The following HMCN2 variants were observed in gnomAD, a reference collection of about 807,000 sequenced individuals.
HMCN2 encodes the protein hemicentin 2.
In HMCN2, 325 loss-of-function variants were observed where a neutral mutation model predicts 377.5. The ratio of observed to expected loss-of-function variants is 0.86; its 90% CI spans 0.79 to 0.94. The LOEUF is 0.94. HMCN2 is among the 40% of genes least tolerant of loss of function. HMCN2 has a pLI of 0.00. For missense variants in HMCN2, 4,543 were observed against 4,725.3 expected, an observed-to-expected ratio of 0.96 and a Z score of 1.13; for synonymous variants, 2,007 against 2,046.8, an observed-to-expected ratio of 0.98 and a Z score of 0.53.
At chr9:130,420,129 CA>C (rs1207277077) in intron 86 of HMCN2, among the ~76,000 whole-genome samples, 2 of 131,048 alleles carry the variant, frequency 1.5e-5, no homozygotes, top group Non-Finnish European at 3.1e-5. Flanking sequence ...GGCTGGAGTG[CA>C]GTGGTGCAAT....
chr9:130,403,544 G>A (rs555433536), intron 79 of HMCN2, among the ~76,000 whole-genome samples, 197 bp from the exon 80 acceptor site: 1 of 152,306 alleles, frequency 6.6e-6, no homozygotes, highest in East Asian at 1.9e-4. Context: ...CCGAGCACTC[G>A]GTGGCTGAGG....
At chr9:130,323,409 G>A (rs910202194) in intron 19 of HMCN2, among the ~76,000 whole-genome samples, 8 of 152,194 alleles carry the variant, frequency 5.3e-5, no homozygotes, top group Admixed American at 3.3e-4. Context: ...TGCCCAGGGT[G>A]GGTGTGACAC....
At chr9:130,429,840 T>C in intron 94 of HMCN2, 155 bp downstream of exon 94, 2 of 1,364,998 alleles carry the variant, frequency 1.5e-6, no homozygotes, top group Non-Finnish European at 1.9e-6. Context: ...GCCAGTGCTG[T>C]TGAGTTCTGA....
intron 1 of HMCN2, among the ~76,000 whole-genome samples, chr9:130,271,707 C>T (rs1342985928): frequency 1.3e-5 from 2 of 148,862 alleles, no homozygotes; most frequent in Non-Finnish European, 3.0e-5. Context: ...TCCAAGGAGC[C>T]CTGCTTCCTG....
rs192284311 is a variant in HMCN2 at position 130,379,548 on chromosome 9, A to G, written c.8431+81A>G. The stretch of plus-strand genomic sequence containing the variant: ...TGCTGTGTGACCTTAAGCAGAGCAC[A>G]CAACCACTCTGGACCTTAGCTGCAA... On this transcript the variant is annotated intron_variant, in intron 54 of 97. Transcript: ENST00000683500. The G allele has an allele frequency of 3.0e-5, 18 of 600,106 alleles. No homozygotes were observed. In the African/African-American group the frequency reaches 3.6e-4, roughly 12 times the overall value. The allele number at this position is 600,106 out of a possible 1,614,324, so 37.2% of individuals were successfully genotyped here.
intron 25 of HMCN2, among the ~76,000 whole-genome samples, chr9:130,342,751 A>G (rs917602530): frequency 2.0e-5 from 3 of 152,010 alleles, no homozygotes; most frequent in African/African-American, 4.8e-5. Flanking sequence ...TGGGGGTGTG[A>G]TCGCCAGGGC....
rs185515912 is a variant in HMCN2 at position 130,361,962 on chromosome 9, C to G, written c.5951-46C>G. 453 of 984,538 alleles carry G rather than the reference C, an allele frequency of 4.6e-4. 5 individuals carry two copies. The African/African-American group carries it at 7.1e-3, about 15-fold the overall frequency. 61.0% of individuals were successfully genotyped at this position (984,538 alleles called of 1,614,324 possible). A position where few individuals can be genotyped will look rare whatever the true frequency, so the allele number is the denominator to read the frequency against. Reference sequence around the variant, plus strand: ...CCAGCCAGGGGCCCTGCCTGCTTTGCCCCAGTGGGGCTCAGCCTGTACCCC... The same window carrying G: ...CCAGCCAGGGGCCCTGCCTGCTTTGGCCCAGTGGGGCTCAGCCTGTACCCC... On this transcript the variant is annotated intron_variant, in intron 38 of 97. Transcript: ENST00000683500. The surrounding 1 kb of genome is among the most constrained non-coding windows in gnomAD (Gnocchi z 4.8).
At chr9:130,353,261 G>A in intron 31 of HMCN2, 56 bp downstream of exon 31, 1 of 1,276,026 alleles carries the variant, frequency 7.8e-7, no homozygotes, top group Non-Finnish European at 1.0e-6. Flanking sequence ...ACTCAGCCAT[G>A]GTGGCCCCTG....
Position 130,395,259 on chromosome 9 carries a change from TG to T in HMCN2, c.10825del (p.Ala3609ProfsTer48). 2.3e-6 allele frequency: 3 copies of T among 1,289,496 alleles called. No individual in the cohort carries two copies. Among genetic ancestry groups the T allele is most frequent in the Non-Finnish European group, 3.0e-6 (3 of 988,732 alleles). 79.9% of individuals were successfully genotyped at this position (1,289,496 alleles called of 1,614,324 possible). On this transcript the variant is annotated frameshift_variant, in exon 71 of 98. Transcript: ENST00000683500. LOFTEE classifies it high-confidence loss of function. ...GPRGPRFVVG[L>X]APGQLVLECS... ...CGAGGCCCCCGCTTTGTGGTCGGCC[TG>T]GCCCCAGGGCAGCTGGTCCTGGAGT...
rs773509084 is a variant in HMCN2 at position 130,353,095 on chromosome 9, G to A, written c.4754G>A (p.Gly1585Asp). 1.5e-6 allele frequency: 2 copies of A among 1,304,254 alleles called. No individual in the cohort carries two copies. Among genetic ancestry groups the A allele is most frequent in the South Asian group, 2.5e-5 (2 of 81,020 alleles). 80.8% of individuals were successfully genotyped at this position (1,304,254 alleles called of 1,614,324 possible). A position where few individuals can be genotyped will look rare whatever the true frequency, so the allele number is the denominator to read the frequency against. ...ACCAAGGTGGTCTACACTAGGGGCG[G>A]TCGGCAGTTGCAGCTGGGGAGGGCC... ...TSTKVVYTRG[G>D]RQLQLGRAQS... Residue 1585 changes from glycine to aspartate, a missense_variant, in exon 31 of 98, where the codon GGT becomes GAT. Transcript: ENST00000683500.
At chr9:130,294,336 CA>C (rs1275704538) in intron 4 of HMCN2, among the ~76,000 whole-genome samples, 1 of 152,146 alleles carries the variant, frequency 6.6e-6, no homozygotes, top group Admixed American at 6.5e-5. Flanking sequence ...CTCAATATTG[CA>C]AAAATCCATC....
chr9:130,347,970 G>GGGAGAGCGCCCACCCCC lies in HMCN2; in HGVS notation c.4025-574_4025-558dup, dbSNP rs1313944734. 6 of 985,218 alleles carry GGGAGAGCGCCCACCCCC rather than the reference G, an allele frequency of 6.1e-6. No homozygotes were observed. In the Admixed American group the frequency reaches 3.1e-4, roughly 50 times the overall value. The allele number at this position is 985,218 out of a possible 1,614,324, so 61.0% of individuals were successfully genotyped here. A position where few individuals can be genotyped will look rare whatever the true frequency, so the allele number is the denominator to read the frequency against. On this transcript the variant is annotated intron_variant, in intron 26 of 97. Coordinates refer to ENST00000683500, the MANE Select transcript of HMCN2 (RefSeq NM_001291815.2). The surrounding 1 kb of genome is among the most constrained non-coding windows in gnomAD (Gnocchi z 5.1). ...TCTTCTCACATTCTTGTCCTCAGCAGGGAGAGCGCCCACCCCCACATCCAG... is the reference window on the plus strand; with the variant it reads ...TCTTCTCACATTCTTGTCCTCAGCAGGGAGAGCGCCCACCCCCGGAGAGCGCCCACCCCCACATCCAG...
intron 23 of HMCN2, among the ~76,000 whole-genome samples, chr9:130,340,670 C>T (rs955958438): frequency 6.6e-6 from 1 of 152,190 alleles, no homozygotes. Flanking sequence ...AGGTGCGCGC[C>T]ACCACGCCCA....
chr9:130,383,753 T>TG (rs1262847047), intron 57 of HMCN2, among the ~76,000 whole-genome samples, 153 bp downstream of exon 57: 1 of 152,170 alleles, frequency 6.6e-6, no homozygotes, highest in Non-Finnish European at 1.5e-5. Context: ...AGAGAGCATT[T>TG]GGGGGGCCCT....
chr9:130,428,261 C>T lies in HMCN2; in HGVS notation c.14066-97C>T, dbSNP rs910717275. 17 of 1,373,956 alleles carry T rather than the reference C, an allele frequency of 1.2e-5. No individual in the cohort carries two copies. The Admixed American group carries it at 1.3e-4, about 11-fold the overall frequency. 85.1% of individuals were successfully genotyped at this position (1,373,956 alleles called of 1,614,324 possible). ...TTCCTGCCAGTGGCTCCTGGGCCTG[C>T]GGACGAAGCCTCTGTGGATAGGCCG... On this transcript the variant is annotated intron_variant, in intron 92 of 97. Coordinates refer to ENST00000683500, the MANE Select transcript of HMCN2 (RefSeq NM_001291815.2). The surrounding 1 kb of genome is among the most constrained non-coding windows in gnomAD (Gnocchi z 5.0).
At chr9:130,302,049 C>CTTTTT (rs60456645) in intron 8 of HMCN2, among the ~76,000 whole-genome samples, 63,546 of 146,814 alleles carry the variant, frequency 0.43, 14,815 homozygotes, top group African/African-American at 0.63. Flanking sequence ...TCTAGCTGTG[C>CTTTTT]TTTTTTTTTT....
At chr9:130,329,368 T>C (rs1383583437) in intron 22 of HMCN2, among the ~76,000 whole-genome samples, 2 of 152,190 alleles carry the variant, frequency 1.3e-5, no homozygotes, top group African/African-American at 2.4e-5. Context: ...GTGCTCACCT[T>C]TTGTGTGTCC....
chr9:130,294,141 G>A (rs1157535530), intron 4 of HMCN2, among the ~76,000 whole-genome samples: 1 of 152,140 alleles, frequency 6.6e-6, no homozygotes, highest in Non-Finnish European at 1.5e-5. Context: ...GTTTGTGGTA[G>A]GGGGAGTATC....
intron 1 of HMCN2, among the ~76,000 whole-genome samples, chr9:130,275,728 G>A (rs1439489232): frequency 3.3e-5 from 5 of 152,152 alleles, no homozygotes; most frequent in Non-Finnish European, 7.3e-5. Context: ...GGGATTACAG[G>A]CGTGAGCCAC....
Sources: allele counts gnomAD v4.1 joint callset (sites outside exome capture counted in the v4.1 genomes callset), GRCh38; gene constraint gnomAD v4.1.1; non-coding constraint Gnocchi (gnomAD v3.1); transcripts MANE v1.5; gene names NCBI Gene and HGNC (gene_info 2026-07-23, HGNC 2026-07-21).